Variants in TM4SF4 observed in about 807,000 individuals in gnomAD.
The protein encoded by TM4SF4 is transmembrane 4 L6 family member 4.
TM4SF4 carries 24 observed loss-of-function variants against 24.1 expected under a neutral mutation model. That is an observed-to-expected ratio of 1.00 (90% CI 0.72 to 1.40). The LOEUF (loss-of-function observed/expected upper bound fraction) is 1.40. TM4SF4 is among the 40% of genes most tolerant of loss of function. The probability of loss-of-function intolerance (pLI) is 0.00; values close to 1 mark genes in which losing one functional copy is unlikely to be tolerated. For missense variants in TM4SF4, 254 were observed against 254.2 expected (o/e 1.00, Z 0.01); for synonymous variants, 113 against 97.0 (o/e 1.17, Z -0.97).
At position 149,487,658 on chromosome 3, in the gene TM4SF4, G is replaced by A; in HGVS notation, c.304G>A (p.Gly102Arg). ...GATATTTGCTGTGGTTGGATTCTTG[G>A]GAGCTGGATACTCGTTTATCATCTC... ...STIFAVVGFL[G>R]AGYSFIISAI... The change falls in exon 3 of 5, where the codon GGA (glycine) becomes AGA (arginine). Residue 102 changes from glycine to arginine, a missense_variant. Coordinates refer to ENST00000305354, the MANE Select transcript of TM4SF4 (RefSeq NM_004617.4). 1 of 1,613,966 alleles carries A rather than the reference G, an allele frequency of 6.2e-7. No individual in the cohort carries two copies. The highest frequency in any genetic ancestry group is 8.5e-7 in the Non-Finnish European group (1 of 1,179,892).
chr3:149,495,595 T>A (rs983580767), intron 3 of TM4SF4: 13 of 349,190 alleles, frequency 3.7e-5, no homozygotes, highest in Non-Finnish European at 4.6e-5. Flanking sequence ...AATGGCAACA[T>A]TGCTGGTAAC....
chr3:149,494,254 G>T (rs892189444), intron 3 of TM4SF4, among the ~76,000 whole-genome samples: 1 of 152,158 alleles, frequency 6.6e-6, no homozygotes, highest in Non-Finnish European at 1.5e-5. Flanking sequence ...TGGCTATGTG[G>T]TGGTTTGTGA....
chr3:149,479,882 C>A (rs954758083), intron 2 of TM4SF4, among the ~76,000 whole-genome samples: 1 of 152,220 alleles, frequency 6.6e-6, no homozygotes, highest in African/African-American at 2.4e-5. Context: ...CTGCACCATT[C>A]TCTTCCCTTT....
At chr3:149,499,166 C>T (rs1273149008) in intron 4 of TM4SF4, among the ~76,000 whole-genome samples, 1 of 152,166 alleles carries the variant, frequency 6.6e-6, no homozygotes, top group Non-Finnish European at 1.5e-5. Context: ...TTCAGCCTCA[C>T]ATCCAGTTGA....
intron 3 of TM4SF4, chr3:149,495,474 TG>T (rs1734293518): frequency 4.7e-6 from 2 of 427,056 alleles, no homozygotes; most frequent in African/African-American, 4.1e-5. Context: ...TGGTCACCTT[TG>T]CTCCAGTCAA....
chr3:149,492,222 G>A (rs932507603), intron 3 of TM4SF4, among the ~76,000 whole-genome samples: 1 of 152,178 alleles, frequency 6.6e-6, no homozygotes, highest in African/African-American at 2.4e-5. Context: ...GGAGAAAAGA[G>A]GAAGGTAATC....
chr3:149,498,413 G>A (rs1734353371), intron 3 of TM4SF4, among the ~76,000 whole-genome samples: 1 of 152,216 alleles, frequency 6.6e-6, no homozygotes, highest in African/African-American at 2.4e-5. Context: ...TGACCTGGGA[G>A]AAAGTAACTT....
chr3:149,497,404 T>A (rs1734329250), intron 3 of TM4SF4, among the ~76,000 whole-genome samples: 1 of 152,186 alleles, frequency 6.6e-6, no homozygotes, highest in Non-Finnish European at 1.5e-5. Flanking sequence ...AAAAGCAAAA[T>A]GTTCATTCCT....
chr3:149,483,347 T>C (rs1039337650), intron 2 of TM4SF4, among the ~76,000 whole-genome samples: 6 of 152,084 alleles, frequency 3.9e-5, no homozygotes, highest in Admixed American at 3.9e-4. Context: ...GGCTCAGTAA[T>C]CCCAGTACTG....
intron 3 of TM4SF4, among the ~76,000 whole-genome samples, chr3:149,490,911 G>A (rs1029842075): frequency 2.0e-5 from 3 of 152,056 alleles, no homozygotes; most frequent in Non-Finnish European, 4.4e-5. Context: ...TCTTGTTCTT[G>A]TTCTTCTTCC....
intron 2 of TM4SF4, among the ~76,000 whole-genome samples, chr3:149,477,727 T>C (rs1287173718): frequency 1.3e-5 from 2 of 152,206 alleles, no homozygotes; most frequent in Admixed American, 1.3e-4. Context: ...CAATTTAATA[T>C]AATCATGTAA....
chr3:149,476,571 T>C (rs1372973100), intron 2 of TM4SF4, among the ~76,000 whole-genome samples: 2 of 152,224 alleles, frequency 1.3e-5, no homozygotes, highest in Non-Finnish European at 2.9e-5. Context: ...CAAGTCATTC[T>C]ACTGCTCTGC....
chr3:149,493,228 T>A (rs1734245887), intron 3 of TM4SF4, among the ~76,000 whole-genome samples: 1 of 152,194 alleles, frequency 6.6e-6, no homozygotes, highest in African/African-American at 2.4e-5. Flanking sequence ...GTGACTTAAT[T>A]TCAACCAGGC....
chr3:149,485,528 G>A (rs971611104), intron 2 of TM4SF4, among the ~76,000 whole-genome samples: 1 of 152,202 alleles, frequency 6.6e-6, no homozygotes, highest in African/African-American at 2.4e-5. Flanking sequence ...TAGGAAGAAG[G>A]AAAACTGTAA....
intron 2 of TM4SF4, among the ~76,000 whole-genome samples, chr3:149,483,854 C>T (rs1560030118): frequency 6.6e-6 from 1 of 151,188 alleles, no homozygotes; most frequent in Admixed American, 6.6e-5. Context: ...GATCTCGGCT[C>T]GCTGCAACCC....
Position 149,474,838 on chromosome 3 carries a change from A to T in TM4SF4, c.-40A>T, listed in dbSNP as rs1228092910. ...AAGAGGCCCCGTGAAGGAGGCAGTG[A>T]GGAGCTTTTGATTGCTGACCTGTGT... On this transcript the variant is annotated 5_prime_UTR_variant, in exon 1 of 5. Coordinates refer to ENST00000305354, the MANE Select transcript of TM4SF4 (RefSeq NM_004617.4). 6.4e-7 allele frequency: 1 copy of T among 1,568,156 alleles called. No homozygotes were observed. The highest frequency in any genetic ancestry group is 8.6e-7 in the Non-Finnish European group (1 of 1,159,862).
rs191652976 is a variant in TM4SF4 at position 149,497,512 on chromosome 3, A to T, written c.402-1210A>T. 2.5e-3 allele frequency among the ~76,000 whole-genome samples: 383 copies of T among 152,376 alleles called. 3 individuals are homozygous for T. Among genetic ancestry groups the T allele is most frequent in the Admixed American group, 4.4e-3 (67 of 15,308 alleles). ...AGTTTTTCATTAAGGCTCTGAAAGG[A>T]TGGAGGAAACAAAGAGACCAATTTG... is the stretch of plus-strand genomic sequence containing the variant. On this transcript the variant is annotated intron_variant, in intron 3 of 4. Coordinates refer to ENST00000305354, the MANE Select transcript of TM4SF4 (RefSeq NM_004617.4).
chr3:149,474,801 C>T lies in TM4SF4; in HGVS notation c.-77C>T. ...GAGACAATTACAAGGACTCTCTGGC[C>T]AAAAACCCTTGAAGAGGCCCCGTGA... On this transcript the variant is annotated 5_prime_UTR_variant, in exon 1 of 5. Transcript: ENST00000305354. 6.8e-7 allele frequency: 1 copy of T among 1,477,648 alleles called. No homozygotes were observed. The highest frequency in any genetic ancestry group is 9.0e-7 in the Non-Finnish European group (1 of 1,104,984). 91.5% of individuals were successfully genotyped at this position (1,477,648 alleles called of 1,614,324 possible). A position where few individuals can be genotyped will look rare whatever the true frequency, so the allele number is the denominator to read the frequency against.
intron 3 of TM4SF4, among the ~76,000 whole-genome samples, chr3:149,493,226 A>C (rs1180441753): frequency 2.0e-5 from 3 of 152,188 alleles, no homozygotes; most frequent in Non-Finnish European, 4.4e-5. Flanking sequence ...CTGTGACTTA[A>C]TTTCAACCAG....
Sources: gnomAD v4.1 joint callset for allele counts (sites outside exome capture counted in the v4.1 genomes callset) on GRCh38, gnomAD v4.1.1 for gene constraint, MANE v1.5 for transcripts, NCBI Gene and HGNC (gene_info 2026-07-23, HGNC 2026-07-21) for gene names.